Variants in HECW2 observed in about 807,000 individuals in gnomAD.
HECW2 encodes HECT, C2 and WW domain containing E3 ubiquitin protein ligase 2, also known as E3 ubiquitin-protein ligase HECW2.
HECW2 carries 61 observed loss-of-function variants against 175.2 expected under a neutral mutation model. The ratio of observed to expected loss-of-function variants is 0.35; its 90% CI spans 0.28 to 0.43. HECW2 has a LOEUF of 0.43. Among genes scored for constraint, HECW2 ranks in the 20% least tolerant of loss-of-function variants. HECW2 has a pLI of 1.00. For synonymous variants in HECW2, 671 were observed against 731.0 expected (o/e 0.92, Z 1.32); for missense variants, 1,524 against 2,000.5 (o/e 0.76, Z 4.54).
In HECW2 at chr2:196,222,267, C is replaced by A; in HGVS notation, c.4090G>T (p.Asp1364Tyr). 6.2e-7 allele frequency: 1 copy of A among 1,613,778 alleles called. No homozygotes were observed. Among genetic ancestry groups the A allele is most frequent in the Middle Eastern group, 1.7e-4 (1 of 6,056 alleles). ...HQSLQWMKDN[D>Y]IHDILDLTFT... ...GTGAGGTCTAGGATGTCATGGATAT[C>A]ATTGTCTTTCATCCACTGCAGGCTC... The change falls in exon 24 of 29, where the codon GAT becomes TAT. Residue 1364 changes from aspartate (D) to tyrosine (Y), a missense_variant. Coordinates refer to ENST00000644978, the MANE Select transcript of HECW2 (RefSeq NM_001348768.2).
At chr2:196,316,118 A>G (rs1328396746) in intron 10 of HECW2, 1 of 152,214 alleles carries the variant, frequency 6.6e-6, no homozygotes, top group Non-Finnish European at 1.5e-5. Flanking sequence ...TACCTGCTTA[A>G]GATGATACAA....
rs1384697391 is a variant in HECW2 at position 196,301,722 on chromosome 2, ATTGT to A, written c.2814+4762_2814+4765del. ...TATCCTCTGCCCACTTTTTAATGGG[ATTGT>A]TTTTTTTTTTTTTTTCTTGTAGATG... On this transcript the variant is annotated intron_variant, in intron 13 of 28. Coordinates refer to ENST00000644978, the MANE Select transcript of HECW2 (RefSeq NM_001348768.2). Among the ~76,000 whole-genome samples, 222 of 117,430 alleles carry A rather than the reference ATTGT, an allele frequency of 1.9e-3. 3 individuals are homozygous for A. The highest frequency in any genetic ancestry group is 7.2e-3 in the African/African-American group (208 of 28,898). The allele number at this position is 117,430 out of a possible 152,430, so 77.0% of individuals were successfully genotyped here. A position where few individuals can be genotyped will look rare whatever the true frequency, so the allele number is the denominator to read the frequency against.
Position 196,254,034 on chromosome 2 carries a change from G to T in HECW2, c.3420-5C>A. 1 of 1,613,098 alleles carries T rather than the reference G, an allele frequency of 6.2e-7. No individual in the cohort carries two copies. The highest frequency in any genetic ancestry group is 8.5e-7 in the Non-Finnish European group (1 of 1,179,344). On this transcript the variant is annotated splice_polypyrimidine_tract_variant and splice_region_variant and intron_variant, in intron 18 of 28. Coordinates refer to ENST00000644978, the MANE Select transcript of HECW2 (RefSeq NM_001348768.2). ...ATTATCTCTTCTTCAAATAAGCTGG[G>T]GAAAGACAAGAAACAAAACGGGCAC... is the stretch of plus-strand genomic sequence containing the variant.
intron 2 of HECW2, among the ~76,000 whole-genome samples, chr2:196,399,108 C>T (rs1694748348): frequency 1.3e-5 from 2 of 152,100 alleles, no homozygotes; most frequent in African/African-American, 4.8e-5. Flanking sequence ...TCTTAATCTC[C>T]AGAGCTTCTC....
intron 1 of HECW2, among the ~76,000 whole-genome samples, chr2:196,451,667 A>T (rs1047210176): frequency 6.6e-6 from 1 of 152,048 alleles, no homozygotes; most frequent in African/African-American, 2.4e-5. Flanking sequence ...TGGGAGGCCA[A>T]GGCAAGAGGA....
At chr2:196,331,641 C>T (rs1202093608) in intron 4 of HECW2, among the ~76,000 whole-genome samples, 1 of 152,184 alleles carries the variant, frequency 6.6e-6, no homozygotes, top group Admixed American at 6.5e-5. Flanking sequence ...AAAATGTCCT[C>T]TAATTCTCAT....
chr2:196,508,016 T>C (rs1344778275), intron 1 of HECW2, among the ~76,000 whole-genome samples: 2 of 152,224 alleles, frequency 1.3e-5, no homozygotes, highest in African/African-American at 2.4e-5. Flanking sequence ...ATTTTTATAA[T>C]AGGCTAGTGT....
intron 1 of HECW2, among the ~76,000 whole-genome samples, chr2:196,459,557 C>A (rs1363546281): frequency 6.6e-6 from 1 of 151,940 alleles, no homozygotes; most frequent in Admixed American, 6.6e-5. Context: ...GGAGGTCAGA[C>A]GTGCCTCATG....
intron 1 of HECW2, among the ~76,000 whole-genome samples, chr2:196,465,466 C>A (rs1170465751): frequency 6.6e-6 from 1 of 152,028 alleles, no homozygotes; most frequent in East Asian, 1.9e-4. Context: ...AAGTAGGAAT[C>A]ATGGATTTAA....
At chr2:196,456,890 C>T (rs576582444) in intron 1 of HECW2, among the ~76,000 whole-genome samples, 29 of 152,254 alleles carry the variant, frequency 1.9e-4, no homozygotes, top group Middle Eastern at 3.4e-3. Flanking sequence ...CTCGGGTTTT[C>T]TTCATTCTTT....
chr2:196,275,566 A>G (rs146134181), intron 15 of HECW2, among the ~76,000 whole-genome samples: 4,523 of 152,238 alleles, frequency 0.03, 88 homozygotes, highest in African/African-American at 0.045. Context: ...ATCCTGGCCA[A>G]CATGGTGAAA....
At chr2:196,511,829 G>C (rs1020088830) in intron 1 of HECW2, among the ~76,000 whole-genome samples, 1 of 152,178 alleles carries the variant, frequency 6.6e-6, no homozygotes, top group Admixed American at 6.5e-5. Flanking sequence ...TAAGGGCACA[G>C]GAGGATGGGA....
chr2:196,243,423 T>G (rs1055325577), intron 19 of HECW2, among the ~76,000 whole-genome samples: 2 of 152,060 alleles, frequency 1.3e-5, no homozygotes, highest in Non-Finnish European at 2.9e-5. Flanking sequence ...TGCCTTGGCC[T>G]CCCAAAGTGC....
intron 1 of HECW2, among the ~76,000 whole-genome samples, chr2:196,536,212 C>G (rs900513093): frequency 2.0e-5 from 3 of 152,236 alleles, no homozygotes; most frequent in Non-Finnish European, 2.9e-5. Flanking sequence ...GTAACCTGAT[C>G]TGTAAACACT....
At chr2:196,561,795 C>A (rs1364001396) in intron 1 of HECW2, among the ~76,000 whole-genome samples, 2 of 152,146 alleles carry the variant, frequency 1.3e-5, no homozygotes, top group Non-Finnish European at 2.9e-5. Flanking sequence ...AGGGAAAGAA[C>A]TGATGTCTTG....
chr2:196,431,301 T>C (rs1695705326), intron 2 of HECW2, among the ~76,000 whole-genome samples: 1 of 152,188 alleles, frequency 6.6e-6, no homozygotes, highest in South Asian at 2.1e-4. Flanking sequence ...ATAAGATTCA[T>C]TGCGGTTGGA....
At chr2:196,589,109 G>T (rs1300903044) in intron 1 of HECW2, among the ~76,000 whole-genome samples, 1 of 152,160 alleles carries the variant, frequency 6.6e-6, no homozygotes, top group African/African-American at 2.4e-5. Context: ...GGAGGCATGA[G>T]AATCGCTTAA....
chr2:196,558,310 C>G (rs529492739), intron 1 of HECW2, among the ~76,000 whole-genome samples: 11 of 152,168 alleles, frequency 7.2e-5, no homozygotes, highest in Non-Finnish European at 1.2e-4. Context: ...AGTCTACAGT[C>G]AAATATTCAC....
At chr2:196,552,468 C>T (rs567835250) in intron 1 of HECW2, among the ~76,000 whole-genome samples, 14 of 152,316 alleles carry the variant, frequency 9.2e-5, no homozygotes, top group African/African-American at 3.4e-4. Flanking sequence ...AGAAGATGAC[C>T]TAGCCTCCAT....
Sources: allele counts gnomAD v4.1 joint callset (sites outside exome capture counted in the v4.1 genomes callset), GRCh38; gene constraint gnomAD v4.1.1; transcripts MANE v1.5; gene names NCBI Gene and HGNC (gene_info 2026-07-23, HGNC 2026-07-21).